Variants in BOC observed in about 807,000 individuals in gnomAD.
BOC encodes BOC cell adhesion associated, oncogene regulated.
Under a neutral mutation model 112.0 loss-of-function variants are expected in BOC, and 76 were observed. The observed-to-expected ratio is 0.68, with a 90% CI of 0.56 to 0.82. The LOEUF (loss-of-function observed/expected upper bound fraction) is 0.82, where lower values mean the gene tolerates loss of function less well. BOC is among the 40% of genes least tolerant of loss of function. BOC has a pLI of 0.00. For missense variants in BOC, 1,309 were observed against 1,511.7 expected (o/e 0.87, Z 2.22); for synonymous variants, 580 against 599.8 (o/e 0.97, Z 0.48).
Position 113,285,534 on chromosome 3 carries a change from G to A in BOC, c.3129G>A (p.Leu1043=). The A allele has an allele frequency of 1.2e-6, 2 of 1,606,662 alleles. No homozygotes were observed. Among genetic ancestry groups the A allele is most frequent in the Non-Finnish European group, 1.7e-6 (2 of 1,176,350 alleles). ...GVRRAPDSPV[L]EAVWDPPFHS... ...GGAGAGCCCCCGACAGTCCTGTCCT[G>A]GAAGCAGTGTGGGACCCTCCATTTC... The change falls in exon 19 of 20, where the codon CTG becomes CTA. Residue 1043 remains leucine (L), a synonymous_variant. Coordinates refer to ENST00000682979, the MANE Select transcript of BOC (RefSeq NM_001378074.1).
Position 113,272,625 on chromosome 3 carries a change from GGCACCTACCGCT to G in BOC, c.887_898del (p.Thr296_Cys299del). The stretch of plus-strand genomic sequence containing the variant: ...CGACACCACCAGCGAGGAGGACTCA[GGCACCTACCGCT>G]GCATGGCCGACAATGGGGTTGGGCA... On this transcript the variant is annotated inframe_deletion, in exon 7 of 20. Transcript: ENST00000682979. 1 of 1,614,022 alleles carries G rather than the reference GGCACCTACCGCT, an allele frequency of 6.2e-7. No individual in the cohort carries two copies. Among genetic ancestry groups the G allele is most frequent in the Non-Finnish European group, 8.5e-7 (1 of 1,180,012 alleles).
chr3:113,249,982 TC>T lies in BOC; in HGVS notation c.97+84del, dbSNP rs1313167634. ...CTACAATAACTCTTTAAAAAGGCCT[TC>T]TTTACCTGGATTTCAAAGAACACTT... On this transcript the variant is annotated intron_variant, in intron 3 of 19. Coordinates refer to ENST00000682979, the MANE Select transcript of BOC (RefSeq NM_001378074.1). The T allele has an allele frequency of 5.9e-6, 7 of 1,191,558 alleles. No homozygotes were observed. In the East Asian group the frequency reaches 1.5e-4, roughly 25 times the overall value. The allele number at this position is 1,191,558 out of a possible 1,614,324, so 73.8% of individuals were successfully genotyped here.
chr3:113,236,068 A>G lies in BOC; in HGVS notation c.-81-13654A>G, dbSNP rs1576366794. On this transcript the variant is annotated intron_variant, in intron 2 of 19. Transcript: ENST00000682979. The stretch of plus-strand genomic sequence containing the variant: ...CCAGCAAGCCCGCTATTTAGTATCT[A>G]CCCAAAGGAAAGGAAATCATTACAT... Among the ~76,000 whole-genome samples the G allele has an allele frequency of 4.0e-5, 6 of 151,814 alleles. No individual in the cohort carries two copies. The South Asian group carries it at 1.3e-3, about 32-fold the overall frequency.
chr3:113,233,473 C>T (rs1942989312), intron 2 of BOC, among the ~76,000 whole-genome samples: 1 of 152,052 alleles, frequency 6.6e-6, no homozygotes, highest in Admixed American at 6.6e-5. Flanking sequence ...TCTTTTTAAC[C>T]CCCAGACCTC....
chr3:113,253,149 T>G (rs1945839965), intron 4 of BOC, among the ~76,000 whole-genome samples: 1 of 152,204 alleles, frequency 6.6e-6, no homozygotes, highest in Non-Finnish European at 1.5e-5. Context: ...TCTTTATCCC[T>G]GCTCATATTT....
Position 113,278,385 on chromosome 3 carries a change from A to C in BOC, c.1705+128A>C. 1 of 1,124,114 alleles carries C rather than the reference A, an allele frequency of 8.9e-7. No individual in the cohort carries two copies. The highest frequency in any genetic ancestry group is 1.3e-6 in the Non-Finnish European group (1 of 784,186). The allele number at this position is 1,124,114 out of a possible 1,614,324, so 69.6% of individuals were successfully genotyped here. A position where few individuals can be genotyped will look rare whatever the true frequency, so the allele number is the denominator to read the frequency against. ...TTGAACTTCATCTTTCCTTCCAGCT[A>C]CTGCCTCCTTGTGGTTTGTGTGCTA... On this transcript the variant is annotated intron_variant, in intron 10 of 19. Coordinates refer to ENST00000682979, the MANE Select transcript of BOC (RefSeq NM_001378074.1). This position sits in a 1 kb window ranked among gnomAD's most constrained non-coding sequence, Gnocchi z 4.2.
chr3:113,220,747 A>G (rs1940458695), intron 2 of BOC, among the ~76,000 whole-genome samples: 1 of 152,196 alleles, frequency 6.6e-6, no homozygotes, highest in Admixed American at 6.5e-5. Flanking sequence ...CCTCCAGACA[A>G]GCTGCCTTTC....
chr3:113,227,464 T>C (rs1029522175), intron 2 of BOC, among the ~76,000 whole-genome samples: 1 of 152,174 alleles, frequency 6.6e-6, no homozygotes, highest in Non-Finnish European at 1.5e-5. Flanking sequence ...CAGTATTGAG[T>C]CCAGAGATTC....
At chr3:113,227,009 A>T (rs1008847506) in intron 2 of BOC, among the ~76,000 whole-genome samples, 2 of 152,222 alleles carry the variant, frequency 1.3e-5, no homozygotes, top group African/African-American at 2.4e-5. Context: ...CTCAGATCAC[A>T]ACAAGAGGTC....
chr3:113,262,245 G>C (rs1455912396), intron 4 of BOC, among the ~76,000 whole-genome samples: 2 of 152,356 alleles, frequency 1.3e-5, no homozygotes, highest in Non-Finnish European at 2.9e-5. Context: ...TGTCTCTGTA[G>C]ATTACAGTGT....
At position 113,268,363 on chromosome 3, in the gene BOC, C is replaced by G; in HGVS notation, c.441C>G (p.Val147=). Residue 147 remains valine, a synonymous_variant, in exon 5 of 20, where the codon GTC becomes GTG. Coordinates refer to ENST00000682979, the MANE Select transcript of BOC (RefSeq NM_001378074.1). ...VIEVDEGNTA[V]IACHLPESHP... ...AAGTGGATGAGGGAAACACAGCAGT[C>G]ATTGCCTGCCACCTGCCTGAGAGCC... The G allele has an allele frequency of 1.2e-6, 2 of 1,614,144 alleles. No homozygotes were observed. Among genetic ancestry groups the G allele is most frequent in the Non-Finnish European group, 8.5e-7 (1 of 1,180,000 alleles).
intron 2 of BOC, among the ~76,000 whole-genome samples, chr3:113,247,518 G>T (rs1049047003): frequency 2.9e-4 from 30 of 103,206 alleles, no homozygotes; most frequent in African/African-American, 1.1e-3. Context: ...AAAAAAAAAA[G>T]GGAAAAAGGC....
rs145389550 is a variant in BOC at position 113,243,824 on chromosome 3, C to T, written c.-81-5898C>T. On this transcript the variant is annotated intron_variant, in intron 2 of 19. Transcript: ENST00000682979. ...AACTGAAAACTTCTGCCTCTGCTCT[C>T]ATTTGCCACTTCACATTGGTGACTG... 2.0e-5 allele frequency among the ~76,000 whole-genome samples: 3 copies of T among 152,338 alleles called. No individual in the cohort carries two copies. In the East Asian group the frequency reaches 5.8e-4, roughly 29 times the overall value.
rs369722748 is a variant in BOC, at chr3:113,224,585, C to T, written c.-82+8311C>T. Among the ~76,000 whole-genome samples the T allele has an allele frequency of 7.2e-5, 11 of 152,160 alleles. No individual in the cohort carries two copies. The South Asian group carries it at 1.9e-3, about 26-fold the overall frequency. On this transcript the variant is annotated intron_variant, in intron 2 of 19. Transcript: ENST00000682979. ...TGGAGGGGGTGGGGGTGGGGGGTCA[C>T]GTGGACCATCTGATCCAGGCTGAAA... is the stretch of plus-strand genomic sequence containing the variant.
intron 4 of BOC, among the ~76,000 whole-genome samples, chr3:113,258,356 GTCTC>G (rs1559851163): frequency 6.6e-6 from 1 of 152,018 alleles, no homozygotes; most frequent in Non-Finnish European, 1.5e-5. Flanking sequence ...CCAGGTGATT[GTCTC>G]TCTCTCTCCA....
chr3:113,243,029 GT>G (rs1944501135), intron 2 of BOC, among the ~76,000 whole-genome samples: 1 of 152,176 alleles, frequency 6.6e-6, no homozygotes, highest in African/African-American at 2.4e-5. Flanking sequence ...TCACAACAGT[GT>G]CCCAGGCATC....
intron 2 of BOC, among the ~76,000 whole-genome samples, chr3:113,248,954 G>A (rs938457828): frequency 5.3e-5 from 8 of 152,054 alleles, no homozygotes; most frequent in Non-Finnish European, 8.8e-5. Context: ...TTCTAGCACC[G>A]GGAGCAGAGA....
intron 1 of BOC, among the ~76,000 whole-genome samples, chr3:113,213,136 C>A (rs1193360716): frequency 6.6e-6 from 1 of 152,162 alleles, no homozygotes; most frequent in Non-Finnish European, 1.5e-5. Context: ...ACCAGCAATC[C>A]CAAACTGGCA....
At chr3:113,250,986 A>G (rs1209545071) in intron 4 of BOC, 153 bp downstream of exon 4, 17 of 975,596 alleles carry the variant, frequency 1.7e-5, no homozygotes, top group Non-Finnish European at 2.4e-5. Flanking sequence ...GCTGCCTAGT[A>G]ATGCCCAGTG....
Sources: allele counts gnomAD v4.1 joint callset (sites outside exome capture counted in the v4.1 genomes callset), GRCh38; gene constraint gnomAD v4.1.1; non-coding constraint Gnocchi (gnomAD v3.1); transcripts MANE v1.5; gene names NCBI Gene and HGNC (gene_info 2026-07-23, HGNC 2026-07-21).